TMCO4: variants seen among roughly 807,000 people sequenced by gnomAD.
TMCO4 encodes the protein transmembrane and coiled-coil domain-containing protein 4.
Under a neutral mutation model 64.7 loss-of-function variants are expected in TMCO4, and 58 were observed. The observed-to-expected ratio is 0.90, with a 90% CI of 0.73 to 1.12. The LOEUF (loss-of-function observed/expected upper bound fraction) is 1.12, where lower values mean the gene tolerates loss of function less well. Among genes scored for constraint, TMCO4 ranks in the 50% most tolerant of loss-of-function variants. The pLI, the probability that TMCO4 is intolerant of heterozygous loss-of-function variation, is 0.00. For synonymous variants in TMCO4, 325 were observed against 346.1 expected (o/e 0.94, Z 0.68); for missense variants, 780 against 825.9 (o/e 0.94, Z 0.68).
intron 15 of TMCO4, among the ~76,000 whole-genome samples, chr1:19,685,229 G>C (rs893631532): frequency 2.0e-5 from 3 of 152,162 alleles, no homozygotes; most frequent in Non-Finnish European, 2.9e-5. Flanking sequence ...TGTAGGCTGG[G>C]GTAGGAGGAT....
intron 13 of TMCO4, among the ~76,000 whole-genome samples, chr1:19,716,758 C>G (rs1234677344): frequency 6.6e-6 from 1 of 152,150 alleles, no homozygotes; most frequent in East Asian, 1.9e-4. Context: ...GGAGGAGACA[C>G]CACTTGCAAA....
At chr1:19,737,603 C>T (rs2095461238) in intron 12 of TMCO4, 147 bp from the exon 13 acceptor site, 1 of 621,160 alleles carries the variant, frequency 1.6e-6, no homozygotes, top group African/African-American at 1.8e-5. Context: ...TCCCTGAGCG[C>T]TGATGTCTTA....
intron 15 of TMCO4, among the ~76,000 whole-genome samples, chr1:19,685,710 C>CTTTTTTTT (rs55783904): frequency 0.018 from 1,954 of 106,322 alleles, 127 homozygotes; most frequent in East Asian, 0.054. Context: ...AGGCCTGTTT[C>CTTTTTTTT]TTTTTTTTTT....
At chr1:19,747,051 CA>C in intron 8 of TMCO4, 111 bp downstream of exon 8, 4 of 1,078,218 alleles carry the variant, frequency 3.7e-6, no homozygotes, top group Non-Finnish European at 5.7e-6. Flanking sequence ...TACCACATGC[CA>C]GGGGCCACCT....
rs202018647 is a variant in TMCO4, at chr1:19,747,256, C to A, written c.520G>T (p.Ala174Ser). Residue 174 changes from alanine (A) to serine (S), a missense_variant, in exon 8 of 16, where the codon GCC (alanine) becomes TCC (serine). Ala to Ser is a moderately conservative substitution (Grantham distance 99). Transcript: ENST00000294543. The stretch of plus-strand genomic sequence containing the variant: ...TCTTTCTTCTTTCGGGATGCCTCGG[C>A]CATTCTGAGGGAAAAGAGGCTGGTC... ...KEIKEEESEM[A>S]EASRKKKENR... 1 of 1,613,140 alleles carries A rather than the reference C, an allele frequency of 6.2e-7. No homozygotes were observed. The highest frequency in any genetic ancestry group is 8.5e-7 in the Non-Finnish European group (1 of 1,179,738).
chr1:19,699,020 C>A (rs1052135513), intron 14 of TMCO4, among the ~76,000 whole-genome samples: 1 of 152,092 alleles, frequency 6.6e-6, no homozygotes, highest in Non-Finnish European at 1.5e-5. Context: ...CACGGTGAAA[C>A]CCCATCTCTA....
chr1:19,700,786 A>T lies in TMCO4; in HGVS notation c.1364T>A (p.Ile455Asn). The T allele has an allele frequency of 6.2e-7, 1 of 1,614,148 alleles. No individual in the cohort carries two copies. Among genetic ancestry groups the T allele is most frequent in the East Asian group, 2.2e-5 (1 of 44,876 alleles). ...GACAGACCTGCAGTAGCCGTTGATGATCCTCCCGGACACCACCTTCCGGAA... is the reference window on the plus strand; with the variant it reads ...GACAGACCTGCAGTAGCCGTTGATGTTCCTCCCGGACACCACCTTCCGGAA... The part of the protein sequence containing the change: ...EPFRKVVSGR[I>N]INGYCRGDWL... Residue 455 changes from isoleucine (I) to asparagine (N), a missense_variant, in exon 14 of 16, where the codon ATC (isoleucine) becomes AAC (asparagine). Physicochemically the swap from Ile to Asn is moderately radical, Grantham distance 149. Coordinates refer to ENST00000294543, the MANE Select transcript of TMCO4 (RefSeq NM_181719.7).
Position 19,788,893 on chromosome 1 carries a change from G to A in TMCO4, c.-100-1776C>T, listed in dbSNP as rs148717870. The stretch of plus-strand genomic sequence containing the variant: ...GATCAAGACCATCCTGGCTAACATG[G>A]TGAAACCCCGTCTCTACTAAAAATA... On this transcript the variant is annotated intron_variant, in intron 2 of 15. Coordinates refer to ENST00000294543, the MANE Select transcript of TMCO4 (RefSeq NM_181719.7). Among the ~76,000 whole-genome samples the A allele has an allele frequency of 9.3e-3, 1,418 of 152,070 alleles. 12 individuals are homozygous for A. The highest frequency in any genetic ancestry group is 0.014 in the Non-Finnish European group (947 of 67,986).
intron 10 of TMCO4, among the ~76,000 whole-genome samples, chr1:19,742,370 G>A (rs1251254544): frequency 6.6e-6 from 1 of 152,212 alleles, no homozygotes; most frequent in Non-Finnish European, 1.5e-5. Context: ...CACCATGTGG[G>A]AATGGAGGGG....
intron 15 of TMCO4, among the ~76,000 whole-genome samples, chr1:19,687,649 A>G (rs1040301110): frequency 2.0e-5 from 3 of 152,204 alleles, no homozygotes; most frequent in Non-Finnish European, 4.4e-5. Flanking sequence ...GAAACTTCAG[A>G]CCCACAGGGA....
At chr1:19,771,911 G>A (rs1413884944) in intron 4 of TMCO4, among the ~76,000 whole-genome samples, 1 of 152,134 alleles carries the variant, frequency 6.6e-6, no homozygotes, top group Non-Finnish European at 1.5e-5. Flanking sequence ...ACCCGCCCCG[G>A]CCTCCCAAAG....
At chr1:19,792,795 A>T (rs2044115121) in intron 2 of TMCO4, among the ~76,000 whole-genome samples, 1 of 124,232 alleles carries the variant, frequency 8.0e-6, no homozygotes, top group Admixed American at 9.2e-5. Flanking sequence ...TTTTCAGACA[A>T]AGTCTTGTTC....
intron 3 of TMCO4, among the ~76,000 whole-genome samples, chr1:19,785,144 C>T (rs189994381): frequency 6.6e-6 from 1 of 151,772 alleles, no homozygotes; most frequent in South Asian, 2.1e-4. Context: ...CTTCCCTGAC[C>T]ATCACATCAT....
At chr1:19,700,615 G>T (rs1360345819) in intron 14 of TMCO4, among the ~76,000 whole-genome samples, 153 bp downstream of exon 14, 1 of 152,232 alleles carries the variant, frequency 6.6e-6, no homozygotes, top group Non-Finnish European at 1.5e-5. Context: ...CCAGGCCTGG[G>T]CCTGCTCCTA....
At chr1:19,694,286 G>A in intron 15 of TMCO4, 148 bp downstream of exon 15, 1 of 637,964 alleles carries the variant, frequency 1.6e-6, no homozygotes, top group Non-Finnish European at 2.7e-6. Flanking sequence ...ACAGGCATGA[G>A]CCACTGCACC....
intron 6 of TMCO4, among the ~76,000 whole-genome samples, chr1:19,767,173 C>T (rs2042774282): frequency 6.6e-6 from 1 of 152,132 alleles, no homozygotes; most frequent in Non-Finnish European, 1.5e-5. Flanking sequence ...TTAGAGTGTC[C>T]AGCTCTGCCA....
chr1:19,779,132 T>C (rs1438190192), intron 4 of TMCO4, among the ~76,000 whole-genome samples: 2 of 152,170 alleles, frequency 1.3e-5, no homozygotes, highest in African/African-American at 4.8e-5. Flanking sequence ...CCACTGAGTG[T>C]ATGTGGGGGC....
At chr1:19,733,251 A>C (rs2095437878) in intron 13 of TMCO4, among the ~76,000 whole-genome samples, 1 of 152,122 alleles carries the variant, frequency 6.6e-6, no homozygotes, top group South Asian at 2.1e-4. Flanking sequence ...TGGGTGACAG[A>C]GCGAAACTCC....
At chr1:19,708,464 C>A (rs752396082) in intron 13 of TMCO4, among the ~76,000 whole-genome samples, 30 of 151,392 alleles carry the variant, frequency 2.0e-4, no homozygotes, top group Admixed American at 4.6e-4. Context: ...AACTTCAGCT[C>A]ACACTAGAGC....
Sources: allele counts gnomAD v4.1 joint callset (sites outside exome capture counted in the v4.1 genomes callset), GRCh38; gene constraint gnomAD v4.1.1; transcripts MANE v1.5; gene names NCBI Gene and HGNC (gene_info 2026-07-23, HGNC 2026-07-21).